POLD3: variants seen among roughly 807,000 people sequenced by gnomAD.
POLD3 encodes DNA polymerase delta 3, accessory subunit, also known as DNA polymerase delta subunit 3.
POLD3 carries 19 observed loss-of-function variants against 58.2 expected under a neutral mutation model. The ratio of observed to expected loss-of-function variants is 0.33; its 90% CI spans 0.23 to 0.48. The LOEUF (loss-of-function observed/expected upper bound fraction) is 0.48, where lower values mean the gene tolerates loss of function less well. Ranked by LOEUF, POLD3 falls within the 20% of genes least tolerant of loss-of-function variation. POLD3 has a pLI of 0.99. For missense variants in POLD3, 504 were observed against 545.5 expected (o/e 0.92, Z 0.76); for synonymous variants, 172 against 193.5 (o/e 0.89, Z 0.92).
At chr11:74,655,772 T>C (rs1259988430) in intron 4 of POLD3, among the ~76,000 whole-genome samples, 1 of 152,134 alleles carries the variant, frequency 6.6e-6, no homozygotes, top group Admixed American at 6.5e-5. Context: ...TGTGATGAAA[T>C]ATTGAAACGT....
chr11:74,666,716 C>G (rs1043599500), intron 4 of POLD3, among the ~76,000 whole-genome samples: 5 of 151,300 alleles, frequency 3.3e-5, no homozygotes, highest in African/African-American at 1.2e-4. Flanking sequence ...TTTTTTTTTC[C>G]CCAGAAATTG....
exon 5 of POLD3, chr11:74,669,043 A>G (rs1445541394): frequency 1.2e-5 from 4 of 334,698 alleles, no homozygotes; most frequent in Non-Finnish European, 2.3e-5. Context: ...AAATGATAAG[A>G]TGGGTGTGTG....
chr11:74,594,890 T>C (rs2031172764), intron 2 of POLD3, among the ~76,000 whole-genome samples: 1 of 152,200 alleles, frequency 6.6e-6, no homozygotes, highest in Non-Finnish European at 1.5e-5. Flanking sequence ...ATGGGGGAAC[T>C]GCCCCCATAA....
At chr11:74,624,124 A>T (rs1367536596) in intron 7 of POLD3, among the ~76,000 whole-genome samples, 1 of 152,072 alleles carries the variant, frequency 6.6e-6, no homozygotes, top group Non-Finnish European at 1.5e-5. Flanking sequence ...AATATAATTT[A>T]TGTGATAGAT....
intron 11 of POLD3, 72 bp downstream of exon 11, chr11:74,636,347 T>A: frequency 1.4e-6 from 2 of 1,449,562 alleles, no homozygotes; most frequent in Non-Finnish European, 1.9e-6. Flanking sequence ...TAATCCCTTT[T>A]AGAACAGGTA....
Position 74,652,837 on chromosome 11 carries a change from C to A in POLD3, c.370-15940C>A. The stretch of plus-strand genomic sequence containing the variant: ...TTGCCCTTGCCCCACAAGAGGTTGT[C>A]ATGGACCCAGCTTTGGCAGCACAAT... On this transcript the variant is annotated intron_variant, in intron 4 of 4. Transcript: ENST00000524752. The A allele has an allele frequency of 1.8e-5, 3 of 171,276 alleles. No individual in the cohort carries two copies. In the South Asian group the frequency reaches 4.6e-4, roughly 26 times the overall value. 10.6% of individuals were successfully genotyped at this position (171,276 alleles called of 1,614,324 possible). A position where few individuals can be genotyped will look rare whatever the true frequency, so the allele number is the denominator to read the frequency against.
intron 11 of POLD3, 111 bp downstream of exon 11, chr11:74,636,386 C>A: frequency 1.9e-6 from 2 of 1,042,948 alleles, no homozygotes; most frequent in Non-Finnish European, 2.9e-6. Flanking sequence ...ACATGTGAAT[C>A]ATGCCCAAGT....
chr11:74,644,348 A>T (rs907330816), downstream of POLD3, among the ~76,000 whole-genome samples: 3 of 152,210 alleles, frequency 2.0e-5, no homozygotes, highest in Non-Finnish European at 4.4e-5. Flanking sequence ...TGCAGCTTTT[A>T]CCACCATGAA....
chr11:74,600,982 G>A (rs879696859), intron 2 of POLD3, among the ~76,000 whole-genome samples: 4 of 152,086 alleles, frequency 2.6e-5, no homozygotes, highest in Non-Finnish European at 5.9e-5. Context: ...GCCTCCCAAA[G>A]TGCTGGGATT....
At chr11:74,644,310 T>C (rs572955328), downstream of POLD3, among the ~76,000 whole-genome samples, 1 of 152,340 alleles carries the variant, frequency 6.6e-6, no homozygotes, top group South Asian at 2.1e-4. Context: ...TCTCCTTTCA[T>C]TGGTTCCAGG....
intron 5 of POLD3, among the ~76,000 whole-genome samples, chr11:74,614,768 G>A (rs1259655174): frequency 6.6e-6 from 1 of 152,084 alleles, no homozygotes; most frequent in Non-Finnish European, 1.5e-5. Flanking sequence ...GGGGGTAGGG[G>A]ATGGTGGAAG....
At chr11:74,636,916 A>G (rs1314101432) in intron 11 of POLD3, among the ~76,000 whole-genome samples, 4 of 152,210 alleles carry the variant, frequency 2.6e-5, no homozygotes, top group African/African-American at 9.7e-5. Context: ...TTCTTCAGCC[A>G]TGTTTTAGCT....
At chr11:74,656,515 A>G (rs1242028906) in intron 4 of POLD3, among the ~76,000 whole-genome samples, 1 of 152,010 alleles carries the variant, frequency 6.6e-6, no homozygotes, top group African/African-American at 2.4e-5. Context: ...TGAACCCGGG[A>G]GGCGGAGGTT....
At chr11:74,594,330 C>T (rs189163903) in intron 2 of POLD3, among the ~76,000 whole-genome samples, 154 of 152,298 alleles carry the variant, frequency 1.0e-3, no homozygotes, top group Middle Eastern at 6.8e-3. Context: ...GCACGTCCAT[C>T]TTATATGAAC....
At chr11:74,658,126 G>A (rs2033160145) in intron 4 of POLD3, among the ~76,000 whole-genome samples, 1 of 152,186 alleles carries the variant, frequency 6.6e-6, no homozygotes, top group Non-Finnish European at 1.5e-5. Context: ...TGGACTTAGA[G>A]TTCCACATGG....
chr11:74,655,013 C>T (rs775097057), intron 4 of POLD3, among the ~76,000 whole-genome samples: 1 of 152,194 alleles, frequency 6.6e-6, no homozygotes, highest in African/African-American at 2.4e-5. Flanking sequence ...TCCACATACA[C>T]CTGGTAGAAC....
At chr11:74,622,158 A>G (rs1003417364) in intron 7 of POLD3, among the ~76,000 whole-genome samples, 1 of 152,050 alleles carries the variant, frequency 6.6e-6, no homozygotes, top group Non-Finnish European at 1.5e-5. Flanking sequence ...ACTGAGAATG[A>G]TGATTTCCAA....
chr11:74,621,881 T>C (rs970574253), intron 7 of POLD3, among the ~76,000 whole-genome samples: 1 of 151,472 alleles, frequency 6.6e-6, no homozygotes, highest in Non-Finnish European at 1.5e-5. Flanking sequence ...TTTATTATTA[T>C]TATTATACTT....
rs1261457706 is a variant in POLD3, at chr11:74,604,692, G to A, written c.117G>A (p.Gln39=). The A allele has an allele frequency of 1.3e-6, 2 of 1,550,918 alleles. No individual in the cohort carries two copies. Among genetic ancestry groups the A allele is most frequent in the Admixed American group, 1.7e-5 (1 of 59,836 alleles). ...TTGTGCCTTCTTTTCTTTGGAATAG[G>A]ATGCTGTATGATTATGTTGAAAGGA... ...TLGVHVNQAK[Q]MLYDYVERKR... is the part of the protein sequence containing the mutation. The change falls in exon 3 of 12, where the codon CAG becomes CAA. Residue 39 remains glutamine, a splice_region_variant and synonymous_variant. Coordinates refer to ENST00000263681, the MANE Select transcript of POLD3 (RefSeq NM_006591.3).
Sources: allele counts gnomAD v4.1 joint callset (sites outside exome capture counted in the v4.1 genomes callset), GRCh38; gene constraint gnomAD v4.1.1; transcripts MANE v1.5; gene names NCBI Gene and HGNC (gene_info 2026-07-23, HGNC 2026-07-21).